Variants in UMODL1 observed in about 807,000 individuals in gnomAD.
UMODL1 encodes uromodulin-like 1.
A neutral mutation model predicts 136.3 loss-of-function variants in UMODL1; 128 were observed. The observed-to-expected ratio is 0.94, with a 90% confidence interval of 0.81 to 1.09. The LOEUF (loss-of-function observed/expected upper bound fraction) is 1.09. UMODL1 is among the 50% of genes least tolerant of loss of function. UMODL1 has a pLI of 0.00. For missense variants in UMODL1, 1,766 were observed against 1,725.6 expected (o/e 1.02, Z -0.41); for synonymous variants, 721 against 720.0 (o/e 1.00, Z -0.02).
In UMODL1 at chr21:42,099,189, C is replaced by T. The variant is rs1439967506; in HGVS notation, c.1186+9C>T. On this transcript the variant is annotated intron_variant, in intron 7 of 22. Coordinates refer to ENST00000408910, the MANE Select transcript of UMODL1 (RefSeq NM_001004416.3). The surrounding 1 kb of genome is among the most constrained non-coding windows in gnomAD (Gnocchi z 4.1). Reference sequence around the variant, plus strand: ...GCTGACCATCAAAACCAGTAAGGCCCCCAGTCAGAGACCCACGTTAGCTTG... The same window carrying T: ...GCTGACCATCAAAACCAGTAAGGCCTCCAGTCAGAGACCCACGTTAGCTTG... 4 of 1,609,078 alleles carry T rather than the reference C, an allele frequency of 2.5e-6. No homozygotes were observed. The highest frequency in any genetic ancestry group is 3.4e-6 in the Non-Finnish European group (4 of 1,177,458).
At chr21:42,127,324 A>G (rs1280733274) in intron 19 of UMODL1, 82 bp downstream of exon 19, 1 of 1,305,942 alleles carries the variant, frequency 7.7e-7, no homozygotes. Context: ...GAATGCAGAC[A>G]TCCCCATCCA....
chr21:42,065,997 G>A (rs746770845), intron 1 of UMODL1, among the ~76,000 whole-genome samples: 22 of 152,296 alleles, frequency 1.4e-4, no homozygotes, highest in South Asian at 2.1e-4. Flanking sequence ...TACATGAACC[G>A]TGAATTCTTT....
intron 21 of UMODL1, among the ~76,000 whole-genome samples, chr21:42,136,173 C>T (rs2067202980): frequency 6.6e-6 from 1 of 152,078 alleles, no homozygotes; most frequent in African/African-American, 2.4e-5. Flanking sequence ...AGGCAGCTGG[C>T]ATCTTTCTCA....
intron 13 of UMODL1, among the ~76,000 whole-genome samples, chr21:42,114,076 G>T (rs375259451): frequency 6.6e-6 from 1 of 152,344 alleles, no homozygotes; most frequent in East Asian, 1.9e-4. Context: ...CATAGACTGC[G>T]CCTGGAAGGC....
upstream of UMODL1, among the ~76,000 whole-genome samples, chr21:42,067,440 G>A (rs543118486): frequency 5.3e-5 from 8 of 152,258 alleles, no homozygotes; most frequent in South Asian, 1.7e-3. Context: ...AAATTAGAAG[G>A]CATCACTATT....
rs759817767 is a variant in UMODL1, at chr21:42,103,999, C to A, written c.1431C>A (p.Pro477=). The part of the protein sequence containing the change: ...LKLTVQDPGF[P]MGISTLAPIL... The stretch of plus-strand genomic sequence containing the variant: ...TCACCGTGCAGGACCCCGGGTTTCC[C>A]ATGGGCATCTCCACGCTGGCCCCCA... Residue 477 remains proline (P), a synonymous_variant, in exon 9 of 23, where the codon CCC becomes CCA. Transcript: ENST00000408910. 1 of 1,613,910 alleles carries A rather than the reference C, an allele frequency of 6.2e-7. No individual in the cohort carries two copies. Among genetic ancestry groups the A allele is most frequent in the Non-Finnish European group, 8.5e-7 (1 of 1,180,042 alleles).
intron 5 of UMODL1, among the ~76,000 whole-genome samples, chr21:42,089,157 G>A (rs946108541): frequency 3.3e-5 from 5 of 152,108 alleles, no homozygotes; most frequent in African/African-American, 7.2e-5. Flanking sequence ...CAGACAGTCC[G>A]CAAGCAAACC....
chr21:42,137,596 C>A lies in UMODL1; in HGVS notation c.3933C>A (p.Phe1311Leu). 1 of 1,614,048 alleles carries A rather than the reference C, an allele frequency of 6.2e-7. No individual in the cohort carries two copies. Among genetic ancestry groups the A allele is most frequent in the South Asian group, 1.1e-5 (1 of 91,066 alleles). Residue 1311 changes from phenylalanine (F) to leucine (L), a missense_variant, in exon 22 of 23, where the codon TTC becomes TTA. Phe to Leu is a conservative substitution (Grantham distance 22). Transcript: ENST00000408910. The part of the protein sequence containing the change: ...RYNFKIQSNN[F>L]SYQVFYE ...ACTTTAAAATCCAGTCCAACAACTT[C>A]AGCTACCAGGTGTTCTACGAATAGG...
Position 42,110,979 on chromosome 21 carries a change from T to C in UMODL1, c.1757T>C (p.Phe586Ser). 6.2e-7 allele frequency: 1 copy of C among 1,612,912 alleles called. No individual in the cohort carries two copies. The highest frequency in any genetic ancestry group is 1.1e-5 in the South Asian group (1 of 90,754). Residue 586 changes from phenylalanine (F) to serine (S), a missense_variant, in exon 11 of 23, where the codon TTC (phenylalanine) becomes TCC (serine). Physicochemically the swap from Phe to Ser is radical, Grantham distance 155. Coordinates refer to ENST00000408910, the MANE Select transcript of UMODL1 (RefSeq NM_001004416.3). Reference protein sequence around the residue: ...TGTAALGLENFTLSPSPGYPQ... With the variant: ...TGTAALGLENSTLSPSPGYPQ... ...ACAGCAGCCCTCGGCCTAGAGAACT[T>C]CACCTTGTCACCCAGTCCTGGGTAC...
rs1024218946 is a variant in UMODL1, at chr21:42,127,542, C to T, written c.3531-130C>T. 4.4e-6 allele frequency: 5 copies of T among 1,138,682 alleles called. No individual in the cohort carries two copies. In the African/African-American group the frequency reaches 6.3e-5, roughly 14 times the overall value. The allele number at this position is 1,138,682 out of a possible 1,614,324, so 70.5% of individuals were successfully genotyped here. ...GGTTTTGGGGAACAAATGAGGTGCC[C>T]GGTCCTCGACTTCCACGGAGCCTGT... On this transcript the variant is annotated intron_variant, in intron 19 of 22. Coordinates refer to ENST00000408910, the MANE Select transcript of UMODL1 (RefSeq NM_001004416.3).
At chr21:42,113,468 C>T (rs1366094731) in intron 12 of UMODL1, 105 bp from the exon 13 acceptor site, 1 of 1,423,378 alleles carries the variant, frequency 7.0e-7, no homozygotes, top group Non-Finnish European at 9.5e-7. Context: ...CTGCAAATCG[C>T]TCATGTCCCC....
chr21:42,131,131 C>T (rs1479516485), intron 21 of UMODL1, among the ~76,000 whole-genome samples: 2 of 152,162 alleles, frequency 1.3e-5, no homozygotes, highest in East Asian at 3.9e-4. Flanking sequence ...ACTTTTATGA[C>T]AGAAGGAAAG....
At chr21:42,134,905 T>C (rs569795436) in intron 21 of UMODL1, among the ~76,000 whole-genome samples, 94 of 152,296 alleles carry the variant, frequency 6.2e-4, no homozygotes, top group African/African-American at 2.1e-3. Context: ...ATTATAGGCG[T>C]GAGCCACCTT....
chr21:42,108,152 G>A (rs1229082463), intron 9 of UMODL1: 1 of 395,848 alleles, frequency 2.5e-6, no homozygotes, highest in Non-Finnish European at 5.2e-6. Flanking sequence ...TGAAGATTAG[G>A]TGAATCACCA....
intron 6 of UMODL1, among the ~76,000 whole-genome samples, chr21:42,094,748 G>A (rs545292747): frequency 6.6e-6 from 1 of 152,288 alleles, no homozygotes; most frequent in East Asian, 1.9e-4. Flanking sequence ...GCCTTAGCAC[G>A]TTAGAAGTTG....
At chr21:42,119,038 A>G (rs1601252472) in intron 14 of UMODL1, 73 bp from the exon 15 acceptor site, 96 of 1,500,302 alleles carry the variant, frequency 6.4e-5, no homozygotes, top group Admixed American at 1.8e-5. Flanking sequence ...GACTGGCAGG[A>G]GGAACCGCCT....
At chr21:42,128,016 C>A in intron 20 of UMODL1, 185 bp downstream of exon 20, 1 of 778,878 alleles carries the variant, frequency 1.3e-6, no homozygotes, top group Non-Finnish European at 2.2e-6. Flanking sequence ...AGCCCTTGGA[C>A]GGAGGACTCA....
At position 42,108,733 on chromosome 21, in the gene UMODL1, C is replaced by T. The variant is rs1035430385; in HGVS notation, c.1520-829C>T. Among the ~76,000 whole-genome samples the T allele has an allele frequency of 2.0e-5, 3 of 152,288 alleles. No homozygotes were observed. In the South Asian group the frequency reaches 6.2e-4, roughly 32 times the overall value. ...GGAGCTACATTGTCCTTGTCCTCAC[C>T]TTCATTCCCCTCAGGCGGGCCCCCC... On this transcript the variant is annotated intron_variant, in intron 9 of 22. Coordinates refer to ENST00000408910, the MANE Select transcript of UMODL1 (RefSeq NM_001004416.3).
At chr21:42,121,321 C>A in intron 16 of UMODL1, 97 bp downstream of exon 16, 5 of 1,456,660 alleles carry the variant, frequency 3.4e-6, no homozygotes, top group South Asian at 1.4e-5. Flanking sequence ...CCTCTGAGGT[C>A]ATATTTTTAT....
Sources: allele counts gnomAD v4.1 joint callset (sites outside exome capture counted in the v4.1 genomes callset), GRCh38; gene constraint gnomAD v4.1.1; non-coding constraint Gnocchi (gnomAD v3.1); transcripts MANE v1.5; gene names NCBI Gene and HGNC (gene_info 2026-07-23, HGNC 2026-07-21).